The following RTN4 variants were observed in gnomAD, a reference collection of about 807,000 sequenced individuals.
The protein encoded by RTN4 is reticulon-4.
RTN4 carries 32 observed loss-of-function variants against 90.4 expected under a neutral mutation model. The observed-to-expected ratio is 0.35, with a 90% CI of 0.27 to 0.48. The LOEUF is 0.48. RTN4 is among the 20% of genes least tolerant of loss of function. The pLI, the probability that RTN4 is intolerant of heterozygous loss-of-function variation, is 0.99. For synonymous variants in RTN4, 629 were observed against 552.5 expected (o/e 1.14, Z -1.94); for missense variants, 1,706 against 1,430.2 (o/e 1.19, Z -3.11).
intron 3 of RTN4, among the ~76,000 whole-genome samples, chr2:54,997,360 G>A (rs1679512738): frequency 1.3e-5 from 2 of 152,132 alleles, no homozygotes; most frequent in African/African-American, 2.4e-5. Context: ...GCAATAAAAA[G>A]TGTTAACAAA....
At chr2:55,091,066 G>C (rs967930420) in intron 1 of RTN4, among the ~76,000 whole-genome samples, 1 of 152,310 alleles carries the variant, frequency 6.6e-6, no homozygotes, top group South Asian at 2.1e-4. Context: ...CAACTGGCTA[G>C]AGCAAAAACC....
At chr2:55,123,509 A>G in the RTN4 span, among the ~76,000 whole-genome samples, 107 of 152,266 alleles carry the variant, frequency 7.0e-4, no homozygotes, top group African/African-American at 2.5e-3. Flanking sequence ...GTATTTGCCA[A>G]AAATGACTGT....
At chr2:55,093,629 A>G (rs1249456619) in intron 1 of RTN4, among the ~76,000 whole-genome samples, 6 of 152,160 alleles carry the variant, frequency 3.9e-5, no homozygotes, top group African/African-American at 1.4e-4. Context: ...AAGGGTACCA[A>G]CACCTCTCCC....
chr2:55,085,734 A>G (rs1668825398), intron 1 of RTN4, among the ~76,000 whole-genome samples: 1 of 152,220 alleles, frequency 6.6e-6, no homozygotes, highest in African/African-American at 2.4e-5. Context: ...AGTATTTCAC[A>G]TCCTGAAACA....
chr2:55,102,889 C>T (rs1280892737), intron 1 of RTN4, among the ~76,000 whole-genome samples: 6 of 152,034 alleles, frequency 3.9e-5, no homozygotes, highest in Non-Finnish European at 4.4e-5. Flanking sequence ...GAGGCTGAGG[C>T]GGGCGGATCA....
In RTN4 at chr2:55,027,211, T is replaced by C. The variant is rs776209663; in HGVS notation, c.888A>G (p.Glu296=). 1.2e-6 allele frequency: 2 copies of C among 1,613,774 alleles called. No homozygotes were observed. Among genetic ancestry groups the C allele is most frequent in the East Asian group, 2.2e-5 (1 of 44,870 alleles). The change falls in exon 3 of 9, where the codon GAA becomes GAG. Residue 296 remains glutamate, a synonymous_variant. Transcript: ENST00000337526. ...TGAACGATGATCCCATTTCTGAGTATTCTAATTCTGAAAACTCTGTTAAAT... is the reference window on the plus strand; with the variant it reads ...TGAACGATGATCCCATTTCTGAGTACTCTAATTCTGAAAACTCTGTTAAAT... ...DRDLTEFSEL[E]YSEMGSSFSV...
chr2:55,128,645 A>T, the RTN4 span, among the ~76,000 whole-genome samples: 1 of 152,154 alleles, frequency 6.6e-6, no homozygotes, highest in Non-Finnish European at 1.5e-5. Context: ...AGGATTAAAA[A>T]CCCAGGCAAC....
At chr2:54,973,753 A>G in intron 7 of RTN4, 68 bp downstream of exon 7, 1 of 1,533,324 alleles carries the variant, frequency 6.5e-7, no homozygotes, top group Middle Eastern at 1.7e-4. Context: ...GGGCACTAAT[A>G]CATCCGTAAA....
At chr2:55,100,259 T>C (rs1487750608) in intron 1 of RTN4, among the ~76,000 whole-genome samples, 1 of 152,122 alleles carries the variant, frequency 6.6e-6, no homozygotes, top group Non-Finnish European at 1.5e-5. Context: ...TACTTTGCAC[T>C]GGGGGCTTGG....
intron 1 of RTN4, among the ~76,000 whole-genome samples, chr2:55,081,605 TG>T (rs1356576257): frequency 6.6e-6 from 1 of 152,120 alleles, no homozygotes; most frequent in Non-Finnish European, 1.5e-5. Flanking sequence ...GGCTCAGACC[TG>T]TAATCCCAGC....
intron 1 of RTN4, among the ~76,000 whole-genome samples, chr2:55,086,497 CAA>C (rs36045085): frequency 0.88 from 128,660 of 146,748 alleles, 56,258 homozygotes; most frequent in East Asian, 0.93. Flanking sequence ...CTAATCTCTA[CAA>C]AAAAAAAAAA....
chr2:55,062,818 A>G (rs1668324649), intron 2 of RTN4, among the ~76,000 whole-genome samples: 1 of 152,228 alleles, frequency 6.6e-6, no homozygotes, highest in South Asian at 2.1e-4. Context: ...ACATCAATTG[A>G]AAATCCTTGC....
upstream of RTN4, among the ~76,000 whole-genome samples, chr2:55,055,781 CA>C (rs1280648703): frequency 7.8e-6 from 1 of 128,836 alleles, no homozygotes; most frequent in Non-Finnish European, 1.7e-5. Flanking sequence ...AAAAAAAAAA[CA>C]AAAAAAACAA....
chr2:54,991,922 AATGATACGCTT>A (rs1176668765), intron 3 of RTN4, among the ~76,000 whole-genome samples: 6 of 152,332 alleles, frequency 3.9e-5, no homozygotes, highest in African/African-American at 1.2e-4. Context: ...AAGTTTGAAA[AATGATACGCTT>A]AAGCCTGATA....
chr2:55,004,308 CT>C (rs1680052562), intron 3 of RTN4, among the ~76,000 whole-genome samples: 1 of 152,152 alleles, frequency 6.6e-6, no homozygotes. Flanking sequence ...AGCTTATATA[CT>C]TTTCAATCTT....
At chr2:55,120,408 C>G in the RTN4 span, among the ~76,000 whole-genome samples, 2 of 152,236 alleles carry the variant, frequency 1.3e-5, no homozygotes, top group South Asian at 4.1e-4. Context: ...TTGGGCCCTG[C>G]CTTGCCAACC....
rs558135691 is a variant in RTN4 at position 55,071,339 on chromosome 2, C to G, written c.-63+9150G>C. On this transcript the variant is annotated intron_variant, in intron 2 of 3. Transcript: ENST00000427710. ...AATAGTACCTTCCCTACCTTCTGTA[C>G]GGGTGATTATAAGGAAACAACGAAA... is the stretch of plus-strand genomic sequence containing the variant. Among the ~76,000 whole-genome samples, 3 of 151,724 alleles carry G rather than the reference C, an allele frequency of 2.0e-5. 1 individual carries two copies. The highest frequency in any genetic ancestry group is 7.2e-5 in the African/African-American group (3 of 41,384).
upstream of RTN4, among the ~76,000 whole-genome samples, chr2:55,054,271 A>T (rs1251022766): frequency 6.6e-6 from 1 of 152,130 alleles, no homozygotes; most frequent in Middle Eastern, 3.2e-3. Context: ...TGTGTCTGTA[A>T]TCCACCTCTC....
chr2:55,110,310 CAAAAA>C (rs11289091), intron 1 of RTN4, among the ~76,000 whole-genome samples: 3 of 96,234 alleles, frequency 3.1e-5, no homozygotes, highest in Admixed American at 1.1e-4. Context: ...GACCCTGTCT[CAAAAA>C]AAAAAAAAAA....
Sources: allele counts gnomAD v4.1 joint callset (sites outside exome capture counted in the v4.1 genomes callset), GRCh38; gene constraint gnomAD v4.1.1; transcripts MANE v1.5; gene names NCBI Gene and HGNC (gene_info 2026-07-23, HGNC 2026-07-21).